Variants in ATP11B observed in about 807,000 individuals in gnomAD.
ATP11B encodes ATPase phospholipid transporting 11B (putative).
ATP11B carries 81 observed loss-of-function variants against 157.8 expected under a neutral mutation model. The observed-to-expected ratio is 0.51, with a 90% CI of 0.43 to 0.62. ATP11B has a LOEUF of 0.62. Among genes scored for constraint, ATP11B ranks in the 20% least tolerant of loss-of-function variants. The probability of loss-of-function intolerance (pLI) is 0.00; values close to 1 mark genes in which losing one functional copy is unlikely to be tolerated. For missense variants in ATP11B, 1,165 were observed against 1,402.2 expected (o/e 0.83, Z 2.70); for synonymous variants, 451 against 469.4 (o/e 0.96, Z 0.51).
chr3:182,883,618 T>C (rs1194105104), intron 21 of ATP11B, among the ~76,000 whole-genome samples: 1 of 151,768 alleles, frequency 6.6e-6, no homozygotes, highest in Non-Finnish European at 1.5e-5. Context: ...TATGAAATAC[T>C]TACACACACA....
chr3:182,802,552 CTG>C (rs900095609), intron 1 of ATP11B, among the ~76,000 whole-genome samples: 1 of 152,130 alleles, frequency 6.6e-6, no homozygotes, highest in African/African-American at 2.4e-5. Context: ...TTTGTCCTGA[CTG>C]TTACTACCTC....
intron 8 of ATP11B, among the ~76,000 whole-genome samples, chr3:182,845,009 T>TTTTTTTTTTTTA (rs1560081876): frequency 8.9e-6 from 1 of 112,090 alleles, no homozygotes. Context: ...TTTTTTTATT[T>TTTTTTTTTTTTA]TTTTTTATTT....
chr3:182,904,483 G>A (rs1208303475), intron 28 of ATP11B, among the ~76,000 whole-genome samples: 5 of 152,194 alleles, frequency 3.3e-5, no homozygotes, highest in Non-Finnish European at 5.9e-5. Flanking sequence ...GCAATATTCC[G>A]TGGGTGTGAT....
intron 1 of ATP11B, among the ~76,000 whole-genome samples, chr3:182,818,916 TA>T (rs759403280): frequency 0.042 from 5,187 of 123,990 alleles, 282 homozygotes; most frequent in African/African-American, 0.13. Context: ...GACCACTATG[TA>T]AAAAAAAAAA....
intron 2 of ATP11B, among the ~76,000 whole-genome samples, chr3:182,827,702 C>T (rs1233191510): frequency 2.0e-5 from 3 of 151,476 alleles, no homozygotes; most frequent in Non-Finnish European, 4.4e-5. Context: ...GTTTCTGATG[C>T]TAAACTAACT....
intron 17 of ATP11B, 48 bp from the exon 18 acceptor site, chr3:182,872,305 TTTG>T (rs757274428): frequency 1.1e-5 from 15 of 1,320,852 alleles, no homozygotes; most frequent in Non-Finnish European, 1.6e-5. Context: ...TGATTTTCTG[TTTG>T]TTGTTTGTGT....
intron 1 of ATP11B, among the ~76,000 whole-genome samples, chr3:182,801,386 A>G (rs981551032): frequency 1.6e-4 from 24 of 152,194 alleles, no homozygotes; most frequent in Non-Finnish European, 2.9e-5. Context: ...CAGATGTTGT[A>G]TATATGTAGC....
At chr3:182,802,215 A>G (rs1276508030) in intron 1 of ATP11B, among the ~76,000 whole-genome samples, 2 of 152,098 alleles carry the variant, frequency 1.3e-5, no homozygotes, top group Non-Finnish European at 2.9e-5. Flanking sequence ...CCCTCAACTA[A>G]ACTACTGCTA....
chr3:182,800,002 T>C (rs906787570), intron 1 of ATP11B, among the ~76,000 whole-genome samples: 3 of 152,036 alleles, frequency 2.0e-5, no homozygotes, highest in Non-Finnish European at 4.4e-5. Flanking sequence ...CCCAGCTACT[T>C]GGGAGACTGA....
chr3:182,883,737 C>T (rs1227635144), intron 21 of ATP11B, among the ~76,000 whole-genome samples: 3 of 150,848 alleles, frequency 2.0e-5, no homozygotes, highest in South Asian at 2.1e-4. Flanking sequence ...GGGCGGATCA[C>T]GAGGTCAGGA....
intron 19 of ATP11B, among the ~76,000 whole-genome samples, chr3:182,878,794 A>T (rs1722225734): frequency 6.6e-6 from 1 of 152,008 alleles, no homozygotes; most frequent in South Asian, 2.1e-4. Context: ...AATCTTGCTC[A>T]TGGGTTTTCC....
intron 1 of ATP11B, among the ~76,000 whole-genome samples, chr3:182,812,779 C>G (rs967073428): frequency 6.6e-6 from 1 of 152,136 alleles, no homozygotes; most frequent in Non-Finnish European, 1.5e-5. Flanking sequence ...CTGTGGCATT[C>G]AGTATATTCA....
At chr3:182,802,951 T>C (rs1160470599) in intron 1 of ATP11B, among the ~76,000 whole-genome samples, 2 of 152,220 alleles carry the variant, frequency 1.3e-5, no homozygotes, top group Non-Finnish European at 2.9e-5. Flanking sequence ...TGCTAGGCTT[T>C]GGAACTACCA....
chr3:182,918,405 CATT>C lies in ATP11B; in HGVS notation c.*304_*306del, dbSNP rs1259124404. ...TGGCATTTCAGTCTGTTGCTGAGGC[CATT>C]ATATTTTAATATAAATGTAGAAAAA... On this transcript the variant is annotated 3_prime_UTR_variant, in exon 30 of 30. Coordinates refer to ENST00000323116, the MANE Select transcript of ATP11B (RefSeq NM_014616.3). 2 of 399,364 alleles carry C rather than the reference CATT, an allele frequency of 5.0e-6. No homozygotes were observed. The highest frequency in any genetic ancestry group is 8.8e-6 in the Non-Finnish European group (2 of 226,858). 24.7% of individuals were successfully genotyped at this position (399,364 alleles called of 1,614,324 possible).
At chr3:182,810,162 T>C (rs1286203123) in intron 1 of ATP11B, among the ~76,000 whole-genome samples, 1 of 151,990 alleles carries the variant, frequency 6.6e-6, no homozygotes. Context: ...TGAAACCCCA[T>C]CTCTACTAAA....
intron 10 of ATP11B, among the ~76,000 whole-genome samples, chr3:182,849,876 T>C (rs928543223): frequency 1.3e-5 from 2 of 151,980 alleles, no homozygotes; most frequent in Non-Finnish European, 1.5e-5. Context: ...AGGAAGAAAC[T>C]TCAGCCTACG....
chr3:182,813,533 G>A (rs1484456596), intron 1 of ATP11B, among the ~76,000 whole-genome samples: 2 of 152,098 alleles, frequency 1.3e-5, no homozygotes, highest in African/African-American at 4.8e-5. Flanking sequence ...CCCACCAACT[G>A]TAAAACTGTA....
intron 28 of ATP11B, 124 bp downstream of exon 28, chr3:182,898,896 T>G (rs1723754514): frequency 1.6e-6 from 1 of 613,236 alleles, no homozygotes; most frequent in African/African-American, 1.9e-5. Flanking sequence ...TCAACTATTT[T>G]GTAACATAAA....
chr3:182,861,119 G>A (rs961857747), intron 12 of ATP11B, among the ~76,000 whole-genome samples: 2 of 148,018 alleles, frequency 1.4e-5, no homozygotes, highest in South Asian at 4.2e-4. Context: ...AGGCTGGAGT[G>A]CAATGGCGCA....
Sources: allele counts gnomAD v4.1 joint callset (sites outside exome capture counted in the v4.1 genomes callset), GRCh38; gene constraint gnomAD v4.1.1; transcripts MANE v1.5; gene names NCBI Gene and HGNC (gene_info 2026-07-23, HGNC 2026-07-21).